The following R3HDM2 variants were observed in gnomAD, a reference collection of about 807,000 sequenced individuals.
The protein encoded by R3HDM2 is R3H domain containing 2, also known as R3H domain-containing protein 2.
R3HDM2 carries 38 observed loss-of-function variants against 124.5 expected under a neutral mutation model. The ratio of observed to expected loss-of-function variants is 0.31; its 90% CI spans 0.24 to 0.40. R3HDM2 has a LOEUF of 0.40. Ranked by LOEUF, R3HDM2 falls within the 10% of genes least tolerant of loss-of-function variation. The pLI is 1.00. For synonymous variants in R3HDM2, 391 were observed against 448.0 expected (o/e 0.87, Z 1.61); for missense variants, 869 against 1,236.9 (o/e 0.70, Z 4.46).
At chr12:57,301,919 T>TC (rs1194747879) in intron 4 of R3HDM2, among the ~76,000 whole-genome samples, 1 of 152,258 alleles carries the variant, frequency 6.6e-6, no homozygotes, top group African/African-American at 2.4e-5. Flanking sequence ...CTTAAAATAA[T>TC]CTGTGATGTG....
At chr12:57,419,445 C>CTT (rs34978677) in intron 1 of R3HDM2, among the ~76,000 whole-genome samples, 2 of 144,020 alleles carry the variant, frequency 1.4e-5, no homozygotes, top group African/African-American at 5.1e-5. Flanking sequence ...ATCTGGCCAT[C>CTT]TTTTTTTTTT....
At chr12:57,407,034 C>A (rs990157094) in intron 1 of R3HDM2, among the ~76,000 whole-genome samples, 2 of 152,070 alleles carry the variant, frequency 1.3e-5, no homozygotes, top group South Asian at 2.1e-4. Flanking sequence ...GGATTGCTTG[C>A]GGTCAGAATT....
chr12:57,422,038 AGCCGAAATGTGCCACTGCACTCCAGCCTG>A (rs2070260322), intron 1 of R3HDM2, among the ~76,000 whole-genome samples: 1 of 146,682 alleles, frequency 6.8e-6, no homozygotes, highest in Non-Finnish European at 1.5e-5. Flanking sequence ...GGTTGCAGTG[AGCCGAAATGTGCCACTGCACTCCAGCCTG>A]GGAGACAGAG....
intron 10 of R3HDM2, among the ~76,000 whole-genome samples, chr12:57,294,392 C>T (rs555099526): frequency 6.6e-6 from 1 of 152,162 alleles, no homozygotes; most frequent in South Asian, 2.1e-4. Flanking sequence ...GGCTCTTTCT[C>T]GTTTTTTAAA....
At chr12:57,320,787 A>G (rs1047114000) in intron 2 of R3HDM2, among the ~76,000 whole-genome samples, 5 of 152,184 alleles carry the variant, frequency 3.3e-5, no homozygotes, top group African/African-American at 1.2e-4. Flanking sequence ...ATTTATAAAC[A>G]ACTTTCTAGG....
chr12:57,275,413 C>T (rs983420614), intron 14 of R3HDM2, among the ~76,000 whole-genome samples: 5 of 150,296 alleles, frequency 3.3e-5, no homozygotes, highest in Non-Finnish European at 2.9e-5. Flanking sequence ...GCTTAGGCAA[C>T]GATTTCATGA....
chr12:57,284,239 C>T (rs541670569), intron 12 of R3HDM2, among the ~76,000 whole-genome samples, 183 bp from the exon 13 acceptor site: 1 of 152,280 alleles, frequency 6.6e-6, no homozygotes, highest in East Asian at 1.9e-4. Flanking sequence ...GAACAAGATC[C>T]AGTACAGTAA....
rs202197482 is a variant in R3HDM2 at position 57,360,210 on chromosome 12, T to C, written c.-36+35539A>G. ...TGCCTGGCTAATTTTGAATTTTTAG[T>C]AGAGACAGGGTTTCACCATGTTGGC... is the stretch of plus-strand genomic sequence containing the variant. On this transcript the variant is annotated intron_variant, in intron 2 of 23. Transcript: ENST00000402412. 2.1e-3 allele frequency among the ~76,000 whole-genome samples: 316 copies of C among 151,496 alleles called. 9 individuals are homozygous for C. The East Asian group carries it at 0.049, about 23-fold the overall frequency.
At chr12:57,326,477 A>G (rs1436606040) in intron 2 of R3HDM2, among the ~76,000 whole-genome samples, 3 of 152,238 alleles carry the variant, frequency 2.0e-5, no homozygotes, top group Non-Finnish European at 2.9e-5. Flanking sequence ...CTTCAATTCT[A>G]TGAAGGCTGA....
chr12:57,386,307 T>C (rs2065758501), intron 2 of R3HDM2, among the ~76,000 whole-genome samples: 1 of 152,066 alleles, frequency 6.6e-6, no homozygotes, highest in Non-Finnish European at 1.5e-5. Context: ...CGGGGAGGTG[T>C]GGACGGAGAG....
chr12:57,394,906 T>C (rs572537802), intron 2 of R3HDM2, among the ~76,000 whole-genome samples: 7 of 152,166 alleles, frequency 4.6e-5, no homozygotes, highest in Non-Finnish European at 1.0e-4. Flanking sequence ...AAACATTTTA[T>C]CTACTTTATA....
At chr12:57,324,603 A>G (rs1472283773) in intron 2 of R3HDM2, among the ~76,000 whole-genome samples, 1 of 152,252 alleles carries the variant, frequency 6.6e-6, no homozygotes, top group East Asian at 1.9e-4. Flanking sequence ...TCTGCTGCAA[A>G]GGAGAAACTG....
intron 2 of R3HDM2, among the ~76,000 whole-genome samples, chr12:57,312,305 A>AT (rs201583405): frequency 0.015 from 1,976 of 133,076 alleles, 34 homozygotes; most frequent in African/African-American, 0.037. Context: ...CTGCTTTGTG[A>AT]TTTTTTTTTT....
intron 2 of R3HDM2, among the ~76,000 whole-genome samples, chr12:57,354,235 C>T (rs907909424): frequency 1.3e-5 from 2 of 151,946 alleles, no homozygotes. Flanking sequence ...CATGAGAATT[C>T]TAACTGCTCC....
At chr12:57,371,163 C>A (rs1310208599) in intron 2 of R3HDM2, among the ~76,000 whole-genome samples, 2 of 109,628 alleles carry the variant, frequency 1.8e-5, no homozygotes, top group African/African-American at 7.0e-5. Context: ...GGCAGGCAAA[C>A]AAAGTTTTAC....
At chr12:57,323,229 T>C (rs1229945892) in intron 2 of R3HDM2, among the ~76,000 whole-genome samples, 1 of 152,102 alleles carries the variant, frequency 6.6e-6, no homozygotes, top group Non-Finnish European at 1.5e-5. Context: ...AAAAACAGTA[T>C]AACTGCGTGC....
intron 2 of R3HDM2, among the ~76,000 whole-genome samples, chr12:57,350,871 A>C (rs2060608111): frequency 6.6e-6 from 1 of 152,054 alleles, no homozygotes; most frequent in Non-Finnish European, 1.5e-5. Flanking sequence ...GAGGCCAAGG[A>C]GGGTGAATCA....
Position 57,255,996 on chromosome 12 carries a change from C to A in R3HDM2, c.2626G>T (p.Asp876Tyr). The A allele has an allele frequency of 6.2e-7, 1 of 1,612,452 alleles. No individual in the cohort carries two copies. Among genetic ancestry groups the A allele is most frequent in the Non-Finnish European group, 8.5e-7 (1 of 1,179,160 alleles). The stretch of plus-strand genomic sequence containing the variant: ...TCAGCATCCCGTGACTCACCAACAT[C>A]TGCTGTCCCCAGGTCAGTGGAGGCA... ...KSASTDLGTADVVLGRVLEVT... is the reference protein window; with the variant it reads ...KSASTDLGTAYVVLGRVLEVT... Residue 876 changes from aspartate to tyrosine, a missense_variant, in exon 23 of 24, where the codon GAT becomes TAT. Asp to Tyr is a radical substitution (Grantham distance 160). Coordinates refer to ENST00000402412, the MANE Select transcript of R3HDM2 (RefSeq NM_001394031.1).
At chr12:57,317,202 GT>G (rs1292213490) in intron 2 of R3HDM2, among the ~76,000 whole-genome samples, 2 of 148,926 alleles carry the variant, frequency 1.3e-5, no homozygotes, top group African/African-American at 4.9e-5. Context: ...TTTTTTGTTT[GT>G]TTTTTTGTTT....
Sources: allele counts gnomAD v4.1 joint callset (sites outside exome capture counted in the v4.1 genomes callset), GRCh38; gene constraint gnomAD v4.1.1; transcripts MANE v1.5; gene names NCBI Gene and HGNC (gene_info 2026-07-23, HGNC 2026-07-21).